USH2A: variants seen among roughly 807,000 people sequenced by gnomAD.
USH2A encodes the protein usherin, also known as Usher syndrome 2A (autosomal recessive, mild).
USH2A carries 443 observed loss-of-function variants against 538.9 expected under a neutral mutation model. That is an observed-to-expected ratio of 0.82 (90% CI 0.76 to 0.89). The LOEUF (loss-of-function observed/expected upper bound fraction) is 0.89, where lower values mean the gene tolerates loss of function less well. USH2A is among the 40% of genes least tolerant of loss of function. The pLI is 0.00. For synonymous variants in USH2A, 2,413 were observed against 2,273.5 expected, an observed-to-expected ratio of 1.06 and a Z score of -1.75; for missense variants, 6,633 against 6,324.8, an observed-to-expected ratio of 1.05 and a Z score of -1.65.
intron 20 of USH2A, among the ~76,000 whole-genome samples, chr1:216,185,672 G>A (rs568944547): frequency 6.6e-6 from 1 of 151,990 alleles, no homozygotes; most frequent in African/African-American, 2.4e-5. Flanking sequence ...AACAGAGCAG[G>A]ATGAACAGTA....
At chr1:215,852,813 C>T (rs947826305) in intron 44 of USH2A, among the ~76,000 whole-genome samples, 3 of 152,252 alleles carry the variant, frequency 2.0e-5, no homozygotes, top group African/African-American at 7.2e-5. Context: ...CCATGTCTCA[C>T]ATCCAGCTCA....
chr1:215,914,729 G>A (rs1395329182), intron 38 of USH2A, among the ~76,000 whole-genome samples: 1 of 152,120 alleles, frequency 6.6e-6, no homozygotes, highest in Non-Finnish European at 1.5e-5. Context: ...GGTGGCCAGG[G>A]CCTTCAGTTC....
rs201118781 is a variant in USH2A, at chr1:215,799,432, C to T, written c.9740-307G>A. Among the ~76,000 whole-genome samples, 4 of 152,218 alleles carry T rather than the reference C, an allele frequency of 2.6e-5. No homozygotes were observed. The East Asian group carries it at 7.7e-4, about 29-fold the overall frequency. On this transcript the variant is annotated intron_variant, in intron 49 of 71. Transcript: ENST00000307340. ...AAACATCTAGGAATACTTTTTTGTT[C>T]TGTGTAATTTTCTTTTGGAACGTAG...
intron 41 of USH2A, among the ~76,000 whole-genome samples, chr1:215,883,496 A>G (rs974595605): frequency 6.6e-6 from 1 of 151,780 alleles, no homozygotes; most frequent in African/African-American, 2.4e-5. Context: ...TTTAGATTAC[A>G]TGAAATTCTC....
At chr1:216,266,721 G>A (rs2036479738) in intron 11 of USH2A, among the ~76,000 whole-genome samples, 1 of 151,970 alleles carries the variant, frequency 6.6e-6, no homozygotes, top group Non-Finnish European at 1.5e-5. Context: ...AAATATATAT[G>A]TATGTGTACC....
At chr1:216,327,898 T>C (rs983496582) in intron 4 of USH2A, among the ~76,000 whole-genome samples, 1 of 152,160 alleles carries the variant, frequency 6.6e-6, no homozygotes, top group Admixed American at 6.6e-5. Flanking sequence ...CCAGCCTATT[T>C]ACTGATCGAA....
intron 14 of USH2A, among the ~76,000 whole-genome samples, chr1:216,229,180 A>T (rs764065056): frequency 5.9e-5 from 9 of 151,908 alleles, no homozygotes; most frequent in Non-Finnish European, 1.3e-4. Context: ...TGTCCAAAAA[A>T]AAAACCCCAC....
chr1:216,018,586 T>C (rs1018823000), intron 32 of USH2A, among the ~76,000 whole-genome samples: 2 of 152,064 alleles, frequency 1.3e-5, no homozygotes, highest in Non-Finnish European at 2.9e-5. Flanking sequence ...AGGCTAAAGC[T>C]CAGGACAAGG....
At chr1:216,169,947 T>C (rs2034245871) in intron 21 of USH2A, among the ~76,000 whole-genome samples, 1 of 152,144 alleles carries the variant, frequency 6.6e-6, no homozygotes, top group Non-Finnish European at 1.5e-5. Flanking sequence ...TTTAGTTGTT[T>C]TGTTTTTTAT....
At chr1:215,913,429 G>A (rs1191796161) in intron 38 of USH2A, among the ~76,000 whole-genome samples, 1 of 152,106 alleles carries the variant, frequency 6.6e-6, no homozygotes, top group Non-Finnish European at 1.5e-5. Flanking sequence ...CCTGTTAAAT[G>A]ACTAAGACTT....
rs1324651850 is a variant in USH2A, at chr1:215,675,572, C to T, written c.12339G>A (p.Leu4113=). The change falls in exon 63 of 72, where the codon TTG becomes TTA. Residue 4113 remains leucine, a synonymous_variant. Coordinates refer to ENST00000307340, the MANE Select transcript of USH2A (RefSeq NM_206933.4). The part of the protein sequence containing the change: ...FSDGFLEYSG[L]NRQFLFRRLD... Reference sequence around the variant, plus strand: ...GGCGGCGGAAGAGAAACTGACGATTCAAACCAGAGTACTCCAGGAACCCGT... The same window carrying T: ...GGCGGCGGAAGAGAAACTGACGATTTAAACCAGAGTACTCCAGGAACCCGT... 1.2e-6 allele frequency: 2 copies of T among 1,613,940 alleles called. No homozygotes were observed. Among genetic ancestry groups the T allele is most frequent in the Non-Finnish European group, 1.7e-6 (2 of 1,180,010 alleles).
At position 216,065,903 on chromosome 1, in the gene USH2A, T is replaced by TA. The variant is rs530691624; in HGVS notation, c.6049+4197dup. Among the ~76,000 whole-genome samples, 14 of 150,336 alleles carry TA rather than the reference T, an allele frequency of 9.3e-5. No homozygotes were observed. The South Asian group carries it at 1.9e-3, about 20-fold the overall frequency. On this transcript the variant is annotated intron_variant, in intron 30 of 71. Coordinates refer to ENST00000307340, the MANE Select transcript of USH2A (RefSeq NM_206933.4). ...CAGAGTGAGACCCTGTCTCAAAAAA[T>TA]AAAAAAATAAAATAAAATAAAAAAT...
In USH2A at chr1:216,048,629, A is replaced by T. The variant is rs905168668; in HGVS notation, c.6068T>A (p.Leu2023Gln). 1 of 1,614,006 alleles carries T rather than the reference A, an allele frequency of 6.2e-7. No homozygotes were observed. The highest frequency in any genetic ancestry group is 8.5e-7 in the Non-Finnish European group (1 of 1,179,978). The change falls in exon 31 of 72, where the codon CTA becomes CAA. Residue 2023 changes from leucine to glutamine, a missense_variant. Coordinates refer to ENST00000307340, the MANE Select transcript of USH2A (RefSeq NM_206933.4). ...SNLTGILTGL[L>Q]PFKNYAVTLT... ...GGTTACTGCATAGTTTTTGAAGGGT[A>T]GCAAGCCTGTCAATATGCCTATAAT...
chr1:215,639,441 A>C (rs908646827), intron 68 of USH2A, among the ~76,000 whole-genome samples: 1 of 152,248 alleles, frequency 6.6e-6, no homozygotes, highest in Admixed American at 6.5e-5. Context: ...TAGCCTATCC[A>C]TAAGTAATAG....
In USH2A at chr1:216,217,527, A is replaced by G. The variant is rs1364420442; in HGVS notation, c.3017T>C (p.Leu1006Pro). The change falls in exon 15 of 72, where the codon CTC (leucine) becomes CCC (proline). Residue 1006 changes from leucine (L) to proline (P), a missense_variant. By Grantham distance (98) the Leu-to-Pro change is moderately conservative. Coordinates refer to ENST00000307340, the MANE Select transcript of USH2A (RefSeq NM_206933.4). ...TGRCQPCNCH[L>P]SGALNETCHL... ...ACAGGTTTCATTCAAGGCTCCTGAGAGATGACAATTACAAGGCTGACATCT... is the reference window on the plus strand; with the variant it reads ...ACAGGTTTCATTCAAGGCTCCTGAGGGATGACAATTACAAGGCTGACATCT... 1 of 1,613,170 alleles carries G rather than the reference A, an allele frequency of 6.2e-7. No homozygotes were observed. Among genetic ancestry groups the G allele is most frequent in the Admixed American group, 1.7e-5 (1 of 59,948 alleles).
intron 11 of USH2A, among the ~76,000 whole-genome samples, chr1:216,275,620 C>G (rs1311257360): frequency 1.3e-5 from 2 of 151,924 alleles, no homozygotes; most frequent in African/African-American, 4.8e-5. Context: ...ACAAGGAAAA[C>G]AAATAAATCA....
chr1:216,002,410 A>T (rs1209592592), intron 32 of USH2A, among the ~76,000 whole-genome samples: 1 of 152,032 alleles, frequency 6.6e-6, no homozygotes, highest in Non-Finnish European at 1.5e-5. Context: ...TGAAAAAGAG[A>T]AGCTGGGGAT....
intron 30 of USH2A, among the ~76,000 whole-genome samples, chr1:216,052,212 T>C (rs1426519839): frequency 5.3e-5 from 8 of 152,174 alleles, no homozygotes; most frequent in East Asian, 1.9e-4. Flanking sequence ...TTGTATTTCA[T>C]AGAAAAACCC....
At position 215,640,625 on chromosome 1, in the gene USH2A, G is replaced by C. The variant is rs397517993; in HGVS notation, c.14901C>G (p.Thr4967=). 1.9e-6 allele frequency: 3 copies of C among 1,613,592 alleles called. No individual in the cohort carries two copies. The highest frequency in any genetic ancestry group is 2.5e-6 in the Non-Finnish European group (3 of 1,179,962). Residue 4967 remains threonine (T), a synonymous_variant, in exon 68 of 72, where the codon ACC becomes ACG. Transcript: ENST00000307340. ...LNGQLKEYVL[T]DGGRRVYSGL... ...CGCTGTACACGCGTCGCCCTCCGTCGGTTAACACGTACTCCTTCAGTTGGC... is the reference window on the plus strand; with the variant it reads ...CGCTGTACACGCGTCGCCCTCCGTCCGTTAACACGTACTCCTTCAGTTGGC...
Sources: allele counts gnomAD v4.1 joint callset (sites outside exome capture counted in the v4.1 genomes callset), GRCh38; gene constraint gnomAD v4.1.1; transcripts MANE v1.5; gene names NCBI Gene and HGNC (gene_info 2026-07-23, HGNC 2026-07-21).